ARHGEF11: variants seen among roughly 807,000 people sequenced by gnomAD.
The protein encoded by ARHGEF11 is Rho guanine exchange factor (GEF) 11.
Under a neutral mutation model 193.7 loss-of-function variants are expected in ARHGEF11, and 55 were observed. The ratio of observed to expected loss-of-function variants is 0.28; its 90% confidence interval spans 0.23 to 0.36. The LOEUF is 0.36. Ranked by LOEUF, ARHGEF11 falls within the 10% of genes least tolerant of loss-of-function variation. ARHGEF11 has a pLI of 1.00. For synonymous variants in ARHGEF11, 693 were observed against 768.0 expected, an observed-to-expected ratio of 0.90 and a Z score of 1.62; for missense variants, 1,723 against 2,005.6, an observed-to-expected ratio of 0.86 and a Z score of 2.69.
chr1:156,969,898 T>C (rs1346454713), intron 9 of ARHGEF11, 100 bp downstream of exon 9: 12 of 1,152,662 alleles, frequency 1.0e-5, no homozygotes, highest in African/African-American at 4.6e-5. Context: ...GCAGGCACTA[T>C]ATATTTTCTT....
rs1325526050 is a variant in ARHGEF11, at chr1:157,045,521, C to T, written c.-1191G>A. The stretch of plus-strand genomic sequence containing the variant: ...TGGAAAATCCGATCGCCTGTCTCCT[C>T]TCGGCCTCTCCTTGCCTCCCTTTCC... On this transcript the variant is annotated 5_prime_UTR_variant, in exon 1 of 41. Transcript: ENST00000368194. 6.6e-6 allele frequency among the ~76,000 whole-genome samples: 1 copy of T among 152,164 alleles called. No individual in the cohort carries two copies. Among genetic ancestry groups the T allele is most frequent in the Non-Finnish European group, 1.5e-5 (1 of 68,012 alleles).
intron 2 of ARHGEF11, chr1:156,985,878 C>A (rs1044227341): frequency 2.0e-6 from 1 of 493,008 alleles, no homozygotes; most frequent in Non-Finnish European, 3.7e-6. Context: ...TTCACCTCTC[C>A]TTCGGCAACC....
intron 28 of ARHGEF11, 96 bp from the exon 29 acceptor site, chr1:156,946,258 G>T (rs551427550): frequency 4.8e-5 from 46 of 952,830 alleles, no homozygotes; most frequent in Non-Finnish European, 7.5e-5. Context: ...ATGACAAACA[G>T]GTCCTAACGC....
intron 1 of ARHGEF11, among the ~76,000 whole-genome samples, chr1:157,038,506 G>A (rs191269971): frequency 6.6e-5 from 10 of 152,248 alleles, no homozygotes; most frequent in Non-Finnish European, 1.2e-4. Flanking sequence ...AGGAAGTTTC[G>A]TATCCAAAGG....
chr1:156,981,563 A>C (rs979913780), intron 3 of ARHGEF11, among the ~76,000 whole-genome samples: 1 of 152,236 alleles, frequency 6.6e-6, no homozygotes, highest in Non-Finnish European at 1.5e-5. Context: ...CGCAGCCTCA[A>C]CATCTTGGGC....
chr1:157,035,735 C>G (rs1050382413), intron 1 of ARHGEF11, among the ~76,000 whole-genome samples: 9 of 146,228 alleles, frequency 6.2e-5, no homozygotes, highest in African/African-American at 2.1e-4. Flanking sequence ...CCCTCCAGCC[C>G]CAGAGTTTGG....
rs1379791412 is a variant in ARHGEF11 at position 156,977,202 on chromosome 1, G to A, written c.511-148C>T. ...TTATTCAGTACCTTGCCGGAATGCA[G>A]TAAACACAAAATCTTATTTTGAGTT... On this transcript the variant is annotated intron_variant, in intron 6 of 40. Coordinates refer to ENST00000368194, the MANE Select transcript of ARHGEF11 (RefSeq NM_198236.3). 7 of 696,562 alleles carry A rather than the reference G, an allele frequency of 1.0e-5. No individual in the cohort carries two copies. The East Asian group carries it at 1.6e-4, about 16-fold the overall frequency. 43.1% of individuals were successfully genotyped at this position (696,562 alleles called of 1,614,324 possible).
chr1:156,978,477 T>G, intron 5 of ARHGEF11, 95 bp from the exon 6 acceptor site: 1 of 1,453,740 alleles, frequency 6.9e-7, no homozygotes, highest in Non-Finnish European at 9.1e-7. Flanking sequence ...TGTCCTGTCA[T>G]TAAACTCATT....
At chr1:157,026,929 T>C (rs563316223) in intron 1 of ARHGEF11, among the ~76,000 whole-genome samples, 4 of 152,234 alleles carry the variant, frequency 2.6e-5, no homozygotes, top group Non-Finnish European at 5.9e-5. Context: ...AAGTGCAGCA[T>C]GGACCAGAGT....
chr1:156,962,698 G>A (rs1354961686), intron 13 of ARHGEF11, among the ~76,000 whole-genome samples: 1 of 151,662 alleles, frequency 6.6e-6, no homozygotes, highest in Non-Finnish European at 1.5e-5. Context: ...CTAATACGGT[G>A]AAACCCCGTC....
chr1:156,936,739 G>T, intron 40 of ARHGEF11, 77 bp downstream of exon 40: 1 of 1,486,118 alleles, frequency 6.7e-7, no homozygotes, highest in Non-Finnish European at 9.1e-7. Context: ...ATCTCTCACT[G>T]CTTAGTGATG....
intron 20 of ARHGEF11, 48 bp downstream of exon 20, chr1:156,955,655 G>C: frequency 6.9e-7 from 1 of 1,456,780 alleles, no homozygotes. Flanking sequence ...AAAGGGCTGA[G>C]GTCCCTGCCC....
At chr1:157,028,574 G>T (rs550162654) in intron 1 of ARHGEF11, among the ~76,000 whole-genome samples, 1 of 151,984 alleles carries the variant, frequency 6.6e-6, no homozygotes, top group Non-Finnish European at 1.5e-5. Context: ...TATTTGAATC[G>T]ATCTCAGAGA....
chr1:157,036,160 A>AAT (rs1412890136), intron 1 of ARHGEF11, among the ~76,000 whole-genome samples: 1 of 142,486 alleles, frequency 7.0e-6, no homozygotes, highest in African/African-American at 2.5e-5. Flanking sequence ...TACATATATG[A>AAT]ATATATATAT....
chr1:157,040,786 T>C lies in ARHGEF11; in HGVS notation c.32+3513A>G, dbSNP rs567175299. ...ATCTGTGAATTTACCATCTATAATT[T>C]ATATAGAGTTTACAGTTTAGAAAAC... On this transcript the variant is annotated intron_variant, in intron 1 of 40. Transcript: ENST00000368194. 9.6e-4 allele frequency among the ~76,000 whole-genome samples: 146 copies of C among 152,354 alleles called. 2 individuals carry two copies. The highest frequency in any genetic ancestry group is 1.0e-3 in the Non-Finnish European group (70 of 68,024).
At chr1:157,016,533 T>C (rs1213325282) in intron 1 of ARHGEF11, among the ~76,000 whole-genome samples, 2 of 152,184 alleles carry the variant, frequency 1.3e-5, no homozygotes, top group Non-Finnish European at 2.9e-5. Flanking sequence ...TATTCCTGTT[T>C]TTAAAATTAT....
At position 156,939,550 on chromosome 1, in the gene ARHGEF11, T is replaced by C. The variant is rs759156231; in HGVS notation, c.4094A>G (p.Lys1365Arg). 2 of 1,610,672 alleles carry C rather than the reference T, an allele frequency of 1.2e-6. No homozygotes were observed. The highest frequency in any genetic ancestry group is 4.5e-5 in the East Asian group (2 of 44,868). ...EAAGGYKVVRKAEVAGSKVVP... is the reference protein window; with the variant it reads ...EAAGGYKVVRRAEVAGSKVVP... ...CTGGACACTCCCATTTATTTTACCT[T>C]TTCTCACAACTTTGTAACCTCCTGC... is the stretch of plus-strand genomic sequence containing the variant. The change falls in exon 37 of 41, where the codon AAA (lysine) becomes AGA (arginine). Residue 1365 changes from lysine (K) to arginine (R), a missense_variant and splice_region_variant. Physicochemically the swap from Lys to Arg is conservative, Grantham distance 26. This residue lies in a region of ARHGEF11 where 360 missense variants were observed against 344.4 expected (regional missense o/e 1.05). Transcript: ENST00000368194.
chr1:156,937,610 C>T (rs749029076), intron 38 of ARHGEF11, 114 bp from the exon 39 acceptor site: 35 of 1,136,054 alleles, frequency 3.1e-5, no homozygotes, highest in Non-Finnish European at 4.2e-5. Flanking sequence ...CAGTCCTCTC[C>T]AGACAAACTC....
chr1:156,941,022 C>T (rs776050369), intron 35 of ARHGEF11, among the ~76,000 whole-genome samples: 17 of 152,164 alleles, frequency 1.1e-4, no homozygotes, highest in Non-Finnish European at 1.9e-4. Flanking sequence ...TTTCCATTCT[C>T]ATTGTTGCAG....
Sources: allele counts gnomAD v4.1 joint callset (sites outside exome capture counted in the v4.1 genomes callset), GRCh38; gene constraint gnomAD v4.1.1; regional missense constraint gnomAD v4.1.1; transcripts MANE v1.5; gene names NCBI Gene and HGNC (gene_info 2026-07-23, HGNC 2026-07-21).